BAP1: variants seen among roughly 807,000 people sequenced by gnomAD.
The protein encoded by BAP1 is ubiquitin carboxyl-terminal hydrolase BAP1.
In BAP1, 16 loss-of-function variants were observed where a neutral mutation model predicts 77.2. The observed-to-expected ratio is 0.21, with a 90% CI of 0.14 to 0.31. The LOEUF (loss-of-function observed/expected upper bound fraction) is 0.31. Among genes scored for constraint, BAP1 ranks in the 10% least tolerant of loss-of-function variants. The pLI is 1.00. For synonymous variants in BAP1, 362 were observed against 385.2 expected (o/e 0.94, Z 0.71); for missense variants, 699 against 967.3 (o/e 0.72, Z 3.68).
Position 52,402,678 on chromosome 3 carries a change from T to C in BAP1, c.1984-4A>G, listed in dbSNP as rs761026896. ...GGGTCCTTCTCTGGTCATCAATCTGTAGGAGAGAAGAAGACTGAGAGCACT... is the reference window on the plus strand; with the variant it reads ...GGGTCCTTCTCTGGTCATCAATCTGCAGGAGAGAAGAAGACTGAGAGCACT... On this transcript the variant is annotated splice_region_variant and splice_polypyrimidine_tract_variant and intron_variant, in intron 15 of 16. Coordinates refer to ENST00000460680, the MANE Select transcript of BAP1 (RefSeq NM_004656.4). The surrounding 1 kb of genome is among the most constrained non-coding windows in gnomAD (Gnocchi z 5.3). 1 of 1,614,108 alleles carries C rather than the reference T, an allele frequency of 6.2e-7. No homozygotes were observed. The highest frequency in any genetic ancestry group is 8.5e-7 in the Non-Finnish European group (1 of 1,179,958).
At position 52,403,928 on chromosome 3, in the gene BAP1, C is replaced by T. The variant is rs184055262; in HGVS notation, c.1251-34G>A. On this transcript the variant is annotated intron_variant, in intron 12 of 16. Transcript: ENST00000460680. This position sits in a 1 kb window ranked among gnomAD's most constrained non-coding sequence, Gnocchi z 4.0. ...CCCGAGAAGATGTGAAGCAAGGGAACGGGCCAGGTGACCATACCCAGCAGT... is the reference window on the plus strand; with the variant it reads ...CCCGAGAAGATGTGAAGCAAGGGAATGGGCCAGGTGACCATACCCAGCAGT... 29 of 1,609,642 alleles carry T rather than the reference C, an allele frequency of 1.8e-5. No individual in the cohort carries two copies. The highest frequency in any genetic ancestry group is 2.2e-5 in the East Asian group (1 of 44,844).
In BAP1 at chr3:52,405,122, C is replaced by T. The variant is rs768628467; in HGVS notation, c.1104G>A (p.Lys368=). 3 of 1,614,138 alleles carry T rather than the reference C, an allele frequency of 1.9e-6. No individual in the cohort carries two copies. The South Asian group carries it at 3.3e-5, about 18-fold the overall frequency. ...PAFLDNHNYA[K]SPMQEEEDLA... is the part of the protein sequence containing the mutation. ...GCTCCCAGCTTACCTGCATGGGGGA[C>T]TTGGCATAATTGTGATTGTCTAGAA... The change falls in exon 11 of 17, where the codon AAG becomes AAA. Residue 368 remains lysine, a synonymous_variant. Transcript: ENST00000460680.
At chr3:52,404,861 C>G (rs1301572936) in intron 11 of BAP1, among the ~76,000 whole-genome samples, 1 of 152,176 alleles carries the variant, frequency 6.6e-6, no homozygotes, top group South Asian at 2.1e-4. Context: ...TACCAAGGAG[C>G]GTGACCTAAA....
At chr3:52,405,341 A>G (rs1705116896) in intron 10 of BAP1, 47 bp from the exon 11 acceptor site, 1 of 1,610,100 alleles carries the variant, frequency 6.2e-7, no homozygotes, top group East Asian at 2.2e-5. Context: ...AGGATCTCCA[A>G]GAAAAGCTCA....
intron 10 of BAP1, chr3:52,405,525 C>T (rs1705128314): frequency 1.6e-6 from 1 of 623,604 alleles, no homozygotes; most frequent in African/African-American, 1.9e-5. Flanking sequence ...AAAAAAACCG[C>T]CTCTAGAGAA....
Position 52,406,217 on chromosome 3 carries a change from TG to T in BAP1, c.783+35del, listed in dbSNP as rs1436969377. On this transcript the variant is annotated intron_variant, in intron 9 of 16. Coordinates refer to ENST00000460680, the MANE Select transcript of BAP1 (RefSeq NM_004656.4). This position sits in a 1 kb window ranked among gnomAD's most constrained non-coding sequence, Gnocchi z 4.6. ...AAGGGAGGAGGAATGCAGGGAGGGT[TG>T]GGCTGGGCAGAGGCCAGGAAGAAAG... 1.1e-5 allele frequency: 18 copies of T among 1,604,346 alleles called. No homozygotes were observed. The highest frequency in any genetic ancestry group is 3.3e-5 in the Admixed American group (2 of 59,832).
rs878957987 is a variant in BAP1, at chr3:52,402,907, G to C, written c.1891-36C>G. On this transcript the variant is annotated intron_variant, in intron 14 of 16. Transcript: ENST00000460680. This position sits in a 1 kb window ranked among gnomAD's most constrained non-coding sequence, Gnocchi z 5.3. ...CCAGCATTGCACCTCTGATCGGGGC[G>C]GGCCAGCAACAAAGCCCCACGAGCA... The C allele has an allele frequency of 6.2e-7, 1 of 1,613,712 alleles. No individual in the cohort carries two copies. The highest frequency in any genetic ancestry group is 1.1e-5 in the South Asian group (1 of 91,086).
rs1306377306 is a variant in BAP1, at chr3:52,401,990, C to T, written c.*298G>A. The T allele has an allele frequency of 5.5e-6, 3 of 546,230 alleles. No homozygotes were observed. Among genetic ancestry groups the T allele is most frequent in the Non-Finnish European group, 9.9e-6 (3 of 304,550 alleles). The allele number at this position is 546,230 out of a possible 1,614,324, so 33.8% of individuals were successfully genotyped here. A position where few individuals can be genotyped will look rare whatever the true frequency, so the allele number is the denominator to read the frequency against. ...GTCTCTGATAGGTAAAATATATATTCTGCTGCCCAGGCAGAAGGGCCAGGT... is the reference window on the plus strand; with the variant it reads ...GTCTCTGATAGGTAAAATATATATTTTGCTGCCCAGGCAGAAGGGCCAGGT... On this transcript the variant is annotated 3_prime_UTR_variant, in exon 17 of 17. Transcript: ENST00000460680.
chr3:52,405,998 T>C (rs1705144991), intron 9 of BAP1, 86 bp from the exon 10 acceptor site: 1 of 1,586,860 alleles, frequency 6.3e-7, no homozygotes, highest in East Asian at 2.2e-5. Context: ...CCTAAAGGAA[T>C]AATGGCCTTG....
At position 52,402,917 on chromosome 3, in the gene BAP1, C is replaced by CA. The variant is rs1705013320; in HGVS notation, c.1891-47dup. ...ACCTCTGATCGGGGCGGGCCAGCAACAAAGCCCCACGAGCAATAGGCAGCT... is the reference window on the plus strand; with the variant it reads ...ACCTCTGATCGGGGCGGGCCAGCAACAAAAGCCCCACGAGCAATAGGCAGCT... On this transcript the variant is annotated intron_variant, in intron 14 of 16. Transcript: ENST00000460680. The surrounding 1 kb of genome is among the most constrained non-coding windows in gnomAD (Gnocchi z 5.3). 1.2e-6 allele frequency: 2 copies of CA among 1,613,226 alleles called. No homozygotes were observed. Among genetic ancestry groups the CA allele is most frequent in the Admixed American group, 1.7e-5 (1 of 60,008 alleles).
rs1704946826 is a variant in BAP1, at chr3:52,401,313, T to C, written c.*975A>G. On this transcript the variant is annotated 3_prime_UTR_variant, in exon 17 of 17. Transcript: ENST00000460680. The stretch of plus-strand genomic sequence containing the variant: ...GTCTTGATCCTGCTGTCCCCCACCC[T>C]GAGTGCCTTGCAGAGGCTGAGGAAA... 1 of 233,330 alleles carries C rather than the reference T, an allele frequency of 4.3e-6. No individual in the cohort carries two copies. 14.5% of individuals were successfully genotyped at this position (233,330 alleles called of 1,614,324 possible).
chr3:52,403,618 C>T lies in BAP1; in HGVS notation c.1527G>A (p.Ser509=), dbSNP rs756500771. ...IGSAFNSPLR[S]PIRSANPTRP... is the part of the protein sequence containing the mutation. ...GCGTCGGGTTGGCTGAGCGGATAGGCGAGCGCAGTGGCGAGTTGAAAGCAC... is the reference window on the plus strand; with the variant it reads ...GCGTCGGGTTGGCTGAGCGGATAGGTGAGCGCAGTGGCGAGTTGAAAGCAC... Residue 509 remains serine (S), a synonymous_variant, in exon 13 of 17, where the codon TCG becomes TCA. Coordinates refer to ENST00000460680, the MANE Select transcript of BAP1 (RefSeq NM_004656.4). The surrounding 1 kb of genome is among the most constrained non-coding windows in gnomAD (Gnocchi z 4.0). 17 of 1,614,058 alleles carry T rather than the reference C, an allele frequency of 1.1e-5. No homozygotes were observed. Among genetic ancestry groups the T allele is most frequent in the Middle Eastern group, 1.7e-4 (1 of 6,060 alleles).
rs779304334 is a variant in BAP1, at chr3:52,403,925, G to A, written c.1251-31C>T. The A allele has an allele frequency of 4.7e-5, 75 of 1,610,274 alleles. No individual in the cohort carries two copies. Among genetic ancestry groups the A allele is most frequent in the Non-Finnish European group, 6.0e-5 (71 of 1,177,658 alleles). On this transcript the variant is annotated intron_variant, in intron 12 of 16. Transcript: ENST00000460680. This position sits in a 1 kb window ranked among gnomAD's most constrained non-coding sequence, Gnocchi z 4.0. ...GGGCCCGAGAAGATGTGAAGCAAGGGAACGGGCCAGGTGACCATACCCAGC... is the reference window on the plus strand; with the variant it reads ...GGGCCCGAGAAGATGTGAAGCAAGGAAACGGGCCAGGTGACCATACCCAGC...
intron 10 of BAP1, 199 bp from the exon 11 acceptor site, chr3:52,405,493 A>G (rs928316672): frequency 4.2e-4 from 51 of 120,412 alleles, no homozygotes; most frequent in East Asian, 2.3e-3. Context: ...AAGCAGGAAG[A>G]AAAAAAAAAA....
At position 52,402,472 on chromosome 3, in the gene BAP1, A is replaced by G. The variant is rs1338490019; in HGVS notation, c.2057-51T>C. On this transcript the variant is annotated intron_variant, in intron 16 of 16. Coordinates refer to ENST00000460680, the MANE Select transcript of BAP1 (RefSeq NM_004656.4). The surrounding 1 kb of genome is among the most constrained non-coding windows in gnomAD (Gnocchi z 5.3). ...CAGGTGCTGGCTGCCTCAGGCCAGG[A>G]GCTGAGGCTCTCATGGCCCTCCCTG... 6.3e-7 allele frequency: 1 copy of G among 1,585,202 alleles called. No homozygotes were observed. Among genetic ancestry groups the G allele is most frequent in the Non-Finnish European group, 8.6e-7 (1 of 1,166,154 alleles).
rs1000231934 is a variant in BAP1 at position 52,406,525 on chromosome 3, A to G, written c.660-149T>C. 7 of 1,247,376 alleles carry G rather than the reference A, an allele frequency of 5.6e-6. No individual in the cohort carries two copies. Among genetic ancestry groups the G allele is most frequent in the Admixed American group, 4.0e-5 (2 of 50,600 alleles). 77.3% of individuals were successfully genotyped at this position (1,247,376 alleles called of 1,614,324 possible). On this transcript the variant is annotated intron_variant, in intron 8 of 16. Transcript: ENST00000460680. This position sits in a 1 kb window ranked among gnomAD's most constrained non-coding sequence, Gnocchi z 4.6. ...ACAGGCAGGCAGCGACTAGCCATAC[A>G]TGCCAGGCACCTGAGCTGGTACCTT...
In BAP1 at chr3:52,403,587, A is replaced by T. The variant is rs2153226668; in HGVS notation, c.1558T>A (p.Ser520Thr). ...GAGATGTGGGAGGTGACAGGGCTGG[A>T]GGGCCGCGTCGGGTTGGCTGAGCGG... ...PIRSANPTRP[S>T]SPVTSHISKV... The change falls in exon 13 of 17, where the codon TCC becomes ACC. Residue 520 changes from serine (S) to threonine (T), a missense_variant. Ser to Thr is a moderately conservative substitution (Grantham distance 58, BLOSUM62 1). Around this residue, in one of 3 missense-constraint regions of BAP1, gnomAD observed 475 missense variants for 532.4 expected, o/e 0.89. Coordinates refer to ENST00000460680, the MANE Select transcript of BAP1 (RefSeq NM_004656.4). This position sits in a 1 kb window ranked among gnomAD's most constrained non-coding sequence, Gnocchi z 4.0. The T allele has an allele frequency of 6.2e-7, 1 of 1,614,120 alleles. No individual in the cohort carries two copies. Among genetic ancestry groups the T allele is most frequent in the Non-Finnish European group, 8.5e-7 (1 of 1,180,008 alleles).
In BAP1 at chr3:52,404,489, T is replaced by G. The variant is rs1240520821; in HGVS notation, c.1214A>C (p.Glu405Ala). The G allele has an allele frequency of 6.2e-7, 1 of 1,614,076 alleles. No individual in the cohort carries two copies. The highest frequency in any genetic ancestry group is 8.5e-7 in the Non-Finnish European group (1 of 1,180,042). The change falls in exon 12 of 17, where the codon GAG (glutamate) becomes GCG (alanine). Residue 405 changes from glutamate (E) to alanine (A), a missense_variant. Around this residue, in one of 3 missense-constraint regions of BAP1, gnomAD observed 475 missense variants for 532.4 expected, o/e 0.89. Transcript: ENST00000460680. ...SDDEDDYEDD[E>A]EDDVQNTNSA... ...GTTGGTGTTCTGCACGTCATCCTCC[T>G]CGTCATCCTCATAGTCATCCTCATC...
rs1482074290 is a variant in BAP1 at position 52,402,683 on chromosome 3, G to C, written c.1984-9C>G. 8.1e-6 allele frequency: 13 copies of C among 1,614,052 alleles called. No individual in the cohort carries two copies. The highest frequency in any genetic ancestry group is 3.3e-5 in the Admixed American group (2 of 60,010). ...CTTCTCTGGTCATCAATCTGTAGGA[G>C]AGAAGAAGACTGAGAGCACTGGAGC... On this transcript the variant is annotated splice_polypyrimidine_tract_variant and intron_variant, in intron 15 of 16. Coordinates refer to ENST00000460680, the MANE Select transcript of BAP1 (RefSeq NM_004656.4). The surrounding 1 kb of genome is among the most constrained non-coding windows in gnomAD (Gnocchi z 5.3).
Sources: gnomAD v4.1 joint callset for allele counts (sites outside exome capture counted in the v4.1 genomes callset) on GRCh38, gnomAD v4.1.1 for gene constraint, gnomAD v4.1.1 regional missense constraint, Gnocchi (gnomAD v3.1) non-coding constraint, MANE v1.5 for transcripts, NCBI Gene and HGNC (gene_info 2026-07-23, HGNC 2026-07-21) for gene names.